The following SLC9C2 variants were observed in gnomAD, a reference collection of about 807,000 sequenced individuals.
The protein encoded by SLC9C2 is sodium/hydrogen exchanger 11.
In SLC9C2, 75 loss-of-function variants were observed where a neutral mutation model predicts 140.2. That is an observed-to-expected ratio of 0.53 (90% CI 0.44 to 0.65). The LOEUF (loss-of-function observed/expected upper bound fraction) is 0.65. Among genes scored for constraint, SLC9C2 ranks in the 30% least tolerant of loss-of-function variants. SLC9C2 has a pLI of 0.00. For synonymous variants in SLC9C2, 375 were observed against 420.9 expected, an observed-to-expected ratio of 0.89 and a Z score of 1.34; for missense variants, 1,074 against 1,331.8, an observed-to-expected ratio of 0.81 and a Z score of 3.01.
chr1:173,599,958 ACTGTGTGGT>A (rs1278561948), intron 3 of SLC9C2, among the ~76,000 whole-genome samples, 150 bp downstream of exon 3: 9 of 151,982 alleles, frequency 5.9e-5, no homozygotes, highest in African/African-American at 2.2e-4. Flanking sequence ...TGTGTCCTTT[ACTGTGTGGT>A]TATTTTCCAA....
intron 16 of SLC9C2, 35 bp downstream of exon 16, chr1:173,534,449 C>T (rs780996505): frequency 6.6e-7 from 1 of 1,510,702 alleles, no homozygotes; most frequent in Admixed American, 2.3e-5. Context: ...CTGAATTGCT[C>T]TTTTTATAGA....
chr1:173,505,265 T>G lies in SLC9C2; in HGVS notation c.3292A>C (p.Ser1098Arg). The G allele has an allele frequency of 6.2e-7, 1 of 1,613,992 alleles. No individual in the cohort carries two copies. Among genetic ancestry groups the G allele is most frequent in the Non-Finnish European group, 8.5e-7 (1 of 1,179,848 alleles). The stretch of plus-strand genomic sequence containing the variant: ...CCCTTACCCATGACATTGGTGTTAC[T>G]ATTTCTTTGGGTAAGCTCAGATGCT... ...IQASELTQRN[S>R]NTNVMASVNT... Residue 1098 changes from serine (S) to arginine (R), a missense_variant, in exon 26 of 28, where the codon AGT (serine) becomes CGT (arginine). Physicochemically the swap from Ser to Arg is moderately radical, Grantham distance 110 (BLOSUM62 -1). Transcript: ENST00000367714.
At chr1:173,564,361 T>G (rs916840431) in intron 9 of SLC9C2, among the ~76,000 whole-genome samples, 10 of 152,238 alleles carry the variant, frequency 6.6e-5, no homozygotes, top group Admixed American at 2.6e-4. Flanking sequence ...CTTACCATCA[T>G]TTGTTATTGC....
rs755061186 is a variant in SLC9C2, at chr1:173,548,364, T to A, written c.1461+25A>T. 1.9e-6 allele frequency: 3 copies of A among 1,599,086 alleles called. No homozygotes were observed. In the African/African-American group the frequency reaches 4.0e-5, roughly 22 times the overall value. ...CAGACCAAGGGAAGGAAAGGAAAAC[T>A]ACTTTTTGCCAGGTATCAACTCACA... On this transcript the variant is annotated intron_variant, in intron 12 of 27. Transcript: ENST00000367714.
chr1:173,587,686 C>T lies in SLC9C2; in HGVS notation c.502G>A (p.Val168Met), dbSNP rs190106261. Residue 168 changes from valine (V) to methionine (M), a missense_variant, in exon 5 of 28, where the codon GTG becomes ATG. Physicochemically the swap from Val to Met is conservative, Grantham distance 21. Coordinates refer to ENST00000367714, the MANE Select transcript of SLC9C2 (RefSeq NM_178527.4). Reference protein sequence around the residue: ...TLGIIDPLRSVNSLKTIGISK... With the variant: ...TLGIIDPLRSMNSLKTIGISK... ...ATACCAATAGTTTTTAGTGAATTCA[C>T]AGAACGAAGAGGATCTATAATGCCA... is the stretch of plus-strand genomic sequence containing the variant. 6.2e-7 allele frequency: 1 copy of T among 1,609,044 alleles called. No homozygotes were observed. Among genetic ancestry groups the T allele is most frequent in the South Asian group, 1.1e-5 (1 of 90,208 alleles).
At chr1:173,543,533 G>A (rs1333448280) in intron 13 of SLC9C2, among the ~76,000 whole-genome samples, 1 of 152,156 alleles carries the variant, frequency 6.6e-6, no homozygotes, top group Non-Finnish European at 1.5e-5. Flanking sequence ...CCAAAAAAGA[G>A]TCTGCCTTGC....
In SLC9C2 at chr1:173,582,017, A is replaced by C. The variant is rs1665569949; in HGVS notation, c.641-9T>G. 6.7e-7 allele frequency: 1 copy of C among 1,497,808 alleles called. No individual in the cohort carries two copies. 92.8% of individuals were successfully genotyped at this position (1,497,808 alleles called of 1,614,324 possible). Reference sequence around the variant, plus strand: ...AATGCCTACATGTAAATCTAAAAAAAAGAAAGAAAAAATAAGAAATAAAAA... The same window carrying C: ...AATGCCTACATGTAAATCTAAAAAACAGAAAGAAAAAATAAGAAATAAAAA... On this transcript the variant is annotated splice_polypyrimidine_tract_variant and intron_variant, in intron 6 of 27. Coordinates refer to ENST00000367714, the MANE Select transcript of SLC9C2 (RefSeq NM_178527.4).
At chr1:173,502,660 A>AT (rs1659368757) in intron 27 of SLC9C2, among the ~76,000 whole-genome samples, 1 of 152,256 alleles carries the variant, frequency 6.6e-6, no homozygotes, top group Non-Finnish European at 1.5e-5. Context: ...GAAAAGATGT[A>AT]GGGGCAAACA....
At chr1:173,585,928 A>G (rs12071466) in intron 5 of SLC9C2, among the ~76,000 whole-genome samples, 9,290 of 152,152 alleles carry the variant, frequency 0.061, 944 homozygotes, top group African/African-American at 0.21. Flanking sequence ...AGATCATGCC[A>G]TTGCACTCCA....
chr1:173,588,174 G>A (rs1319413487), intron 4 of SLC9C2, among the ~76,000 whole-genome samples: 4 of 152,108 alleles, frequency 2.6e-5, no homozygotes, highest in African/African-American at 9.7e-5. Flanking sequence ...TGTTAGTGAC[G>A]TATTGTGTCT....
In SLC9C2 at chr1:173,509,578, A is replaced by C. The variant is rs375467479; in HGVS notation, c.3029T>G (p.Leu1010Arg). 27 of 1,558,358 alleles carry C rather than the reference A, an allele frequency of 1.7e-5. No homozygotes were observed. The South Asian group carries it at 2.1e-4, about 12-fold the overall frequency. ...STAYQYFESS[L>R]IDEDLRFQNC... The stretch of plus-strand genomic sequence containing the variant: ...AATCACATAACTTACCTCATCAATA[A>C]GACTTGATTCAAAATACTGATAGGC... The change falls in exon 24 of 28, where the codon CTT (leucine) becomes CGT (arginine). Residue 1010 changes from leucine to arginine, a missense_variant. Leu to Arg is a moderately radical substitution (Grantham distance 102). Coordinates refer to ENST00000367714, the MANE Select transcript of SLC9C2 (RefSeq NM_178527.4).
chr1:173,600,293 A>G, intron 2 of SLC9C2, 76 bp from the exon 3 acceptor site: 1 of 945,132 alleles, frequency 1.1e-6, no homozygotes, highest in South Asian at 2.0e-5. Context: ...CTTTTGCACC[A>G]TCCCAAAGTA....
intron 16 of SLC9C2, 85 bp from the exon 17 acceptor site, chr1:173,533,882 T>C (rs1387594086): frequency 1.5e-6 from 2 of 1,374,550 alleles, no homozygotes; most frequent in African/African-American, 1.5e-5. Flanking sequence ...ACTAAGTTCT[T>C]AACTACAAAT....
intron 9 of SLC9C2, among the ~76,000 whole-genome samples, chr1:173,568,270 C>G (rs907965473): frequency 1.3e-5 from 2 of 152,148 alleles, no homozygotes; most frequent in African/African-American, 4.8e-5. Context: ...TTCTGCTCCT[C>G]TCCCTCCTCC....
intron 4 of SLC9C2, among the ~76,000 whole-genome samples, chr1:173,597,386 T>TA (rs1666509160): frequency 6.7e-6 from 1 of 150,302 alleles, no homozygotes; most frequent in East Asian, 2.0e-4. Flanking sequence ...CACAGAAAAC[T>TA]AAAAAAAGCT....
At position 173,548,415 on chromosome 1, in the gene SLC9C2, C is replaced by T. The variant is rs760509822; in HGVS notation, c.1435G>A (p.Asp479Asn). 7.4e-6 allele frequency: 12 copies of T among 1,613,008 alleles called. No homozygotes were observed. The East Asian group carries it at 2.7e-4, about 36-fold the overall frequency. Residue 479 changes from aspartate (D) to asparagine (N), a missense_variant, in exon 12 of 28, where the codon GAT (aspartate) becomes AAT (asparagine). By Grantham distance (23) the Asp-to-Asn change is conservative. Transcript: ENST00000367714. The stretch of plus-strand genomic sequence containing the variant: ...GGAATGTATTCGATCCTCGTTTTAT[C>T]TTCTACTAAGGTCCAGTTAACATTT... ...LTNVNWTLVE[D>N]KTRIEYIPFS...
In SLC9C2 at chr1:173,500,904, A is replaced by T; in HGVS notation, c.*190T>A. The T allele has an allele frequency of 2.1e-6, 1 of 485,174 alleles. No individual in the cohort carries two copies. Among genetic ancestry groups the T allele is most frequent in the Non-Finnish European group, 3.2e-6 (1 of 309,996 alleles). The allele number at this position is 485,174 out of a possible 1,614,324, so 30.1% of individuals were successfully genotyped here. On this transcript the variant is annotated 3_prime_UTR_variant, in exon 28 of 28. Coordinates refer to ENST00000367714, the MANE Select transcript of SLC9C2 (RefSeq NM_178527.4). ...AATATAATGCAACTACTTAAAATTA[A>T]GAAGTTTTACAGAAGTCCATCCATT...
intron 11 of SLC9C2, among the ~76,000 whole-genome samples, chr1:173,550,430 T>G: frequency 8.2e-6 from 1 of 122,142 alleles, no homozygotes; most frequent in African/African-American, 4.0e-5. Context: ...TTTTATTTAT[T>G]TATTTATTTA....
At chr1:173,514,657 G>T (rs1482385052) in intron 23 of SLC9C2, among the ~76,000 whole-genome samples, 1 of 152,128 alleles carries the variant, frequency 6.6e-6, no homozygotes, top group African/African-American at 2.4e-5. Flanking sequence ...GGTTAATATT[G>T]TTATGTGTGA....
Sources: allele counts gnomAD v4.1 joint callset (sites outside exome capture counted in the v4.1 genomes callset), GRCh38; gene constraint gnomAD v4.1.1; transcripts MANE v1.5; gene names NCBI Gene and HGNC (gene_info 2026-07-23, HGNC 2026-07-21).